Variants in UBAP2 observed in about 807,000 individuals in gnomAD.
UBAP2 encodes the protein ubiquitin-associated protein 2.
A neutral mutation model predicts 139.6 loss-of-function variants in UBAP2; 75 were observed. The observed-to-expected ratio is 0.54, with a 90% confidence interval of 0.45 to 0.65. The LOEUF is 0.65. Among genes scored for constraint, UBAP2 ranks in the 30% least tolerant of loss-of-function variants. The probability of loss-of-function intolerance (pLI) is 0.00; values close to 1 mark genes in which losing one functional copy is unlikely to be tolerated. For synonymous variants in UBAP2, 526 were observed against 526.2 expected (o/e 1.00, Z 0.01); for missense variants, 1,368 against 1,369.6 (o/e 1.00, Z 0.02).
At chr9:33,947,600 T>C (rs1308846303) in intron 13 of UBAP2, among the ~76,000 whole-genome samples, 1 of 151,942 alleles carries the variant, frequency 6.6e-6, no homozygotes, top group Non-Finnish European at 1.5e-5. Context: ...GGTGGGCAGA[T>C]CACCTTAGTC....
At chr9:34,043,278 C>T (rs1440337585) in intron 1 of UBAP2, among the ~76,000 whole-genome samples, 1 of 152,014 alleles carries the variant, frequency 6.6e-6, no homozygotes, top group Non-Finnish European at 1.5e-5. Context: ...CTTAAGCAAT[C>T]CTCCAACCTC....
intron 16 of UBAP2, among the ~76,000 whole-genome samples, chr9:33,937,067 G>A (rs1824610301): frequency 1.3e-5 from 2 of 151,380 alleles, no homozygotes; most frequent in Non-Finnish European, 1.5e-5. Flanking sequence ...AAATATTTAA[G>A]GTAGGAAGGA....
chr9:33,946,840 T>C (rs1014266460), intron 13 of UBAP2, among the ~76,000 whole-genome samples: 1 of 152,258 alleles, frequency 6.6e-6, no homozygotes, highest in African/African-American at 2.4e-5. Flanking sequence ...TAAAAAGTCC[T>C]ATCACTCACT....
intron 1 of UBAP2, among the ~76,000 whole-genome samples, chr9:34,029,611 G>T (rs1374150191): frequency 6.6e-6 from 1 of 152,110 alleles, no homozygotes; most frequent in African/African-American, 2.4e-5. Flanking sequence ...CATGGTGGGA[G>T]GACCACTTGG....
intron 14 of UBAP2, 68 bp downstream of exon 14, chr9:33,944,297 A>G: frequency 6.4e-7 from 1 of 1,571,400 alleles, no homozygotes; most frequent in Non-Finnish European, 8.7e-7. Flanking sequence ...AAAACTTAGT[A>G]TCCCACTAGA....
chr9:33,966,895 AT>A (rs939289922), intron 8 of UBAP2, among the ~76,000 whole-genome samples: 12 of 151,996 alleles, frequency 7.9e-5, no homozygotes, highest in African/African-American at 2.4e-4. Context: ...AACAAATCTA[AT>A]TTTTTTTAAA....
At chr9:34,040,155 G>A (rs1359596246) in intron 1 of UBAP2, among the ~76,000 whole-genome samples, 4 of 144,296 alleles carry the variant, frequency 2.8e-5, no homozygotes, top group South Asian at 2.2e-4. Flanking sequence ...GCTAGACTCC[G>A]TCTCAAAAAA....
At position 34,008,896 on chromosome 9, in the gene UBAP2, C is replaced by T. The variant is rs182508101; in HGVS notation, c.99+8154G>A. Among the ~76,000 whole-genome samples the T allele has an allele frequency of 4.6e-3, 608 of 132,644 alleles. 1 individual carries two copies. The highest frequency in any genetic ancestry group is 0.01 in the Middle Eastern group (2 of 198). The allele number at this position is 132,644 out of a possible 152,430, so 87.0% of individuals were successfully genotyped here. ...AGGAGAATGGCTTGAACCCACAAGG[C>T]AGAGGTTGCAGTGAGCCAAGGTCAC... On this transcript the variant is annotated intron_variant, in intron 2 of 28. Coordinates refer to ENST00000379238, the MANE Select transcript of UBAP2 (RefSeq NM_001370062.2).
At position 33,968,169 on chromosome 9, in the gene UBAP2, A is replaced by T. The variant is rs1298386751; in HGVS notation, c.679+3482T>A. On this transcript the variant is annotated intron_variant, in intron 8 of 28. Coordinates refer to ENST00000379238, the MANE Select transcript of UBAP2 (RefSeq NM_001370062.2). ...ACAAATCCAATGAATAGAAGAAGAA[A>T]TCTACTGGGTTTTGGGATATTTGGT... 7 of 602,896 alleles carry T rather than the reference A, an allele frequency of 1.2e-5. No individual in the cohort carries two copies. The Admixed American group carries it at 1.3e-4, about 11-fold the overall frequency. 37.3% of individuals were successfully genotyped at this position (602,896 alleles called of 1,614,324 possible).
Position 33,953,278 on chromosome 9 carries a change from G to T in UBAP2, c.1056+7C>A. 2 of 1,608,192 alleles carry T rather than the reference G, an allele frequency of 1.2e-6. No homozygotes were observed. Among genetic ancestry groups the T allele is most frequent in the South Asian group, 2.2e-5 (2 of 90,686 alleles). On this transcript the variant is annotated splice_region_variant and intron_variant, in intron 12 of 28. Coordinates refer to ENST00000379238, the MANE Select transcript of UBAP2 (RefSeq NM_001370062.2). ...TAAAATCCCACACTGAAATAAAAGT[G>T]AGTTACCAGGCTCTGAGGAGAACAG... is the stretch of plus-strand genomic sequence containing the variant.
At chr9:34,011,264 T>C (rs1004110967) in intron 2 of UBAP2, among the ~76,000 whole-genome samples, 1 of 152,208 alleles carries the variant, frequency 6.6e-6, no homozygotes, top group Non-Finnish European at 1.5e-5. Flanking sequence ...AAAGTCACTA[T>C]TCATTGCCAT....
chr9:33,988,520 A>G (rs1587618974), intron 5 of UBAP2, among the ~76,000 whole-genome samples: 1 of 152,362 alleles, frequency 6.6e-6, no homozygotes, highest in Non-Finnish European at 1.5e-5. Flanking sequence ...CCTTGTCTAT[A>G]CCATGAGTGT....
chr9:33,975,608 C>A (rs765542026), intron 6 of UBAP2, among the ~76,000 whole-genome samples: 3 of 149,848 alleles, frequency 2.0e-5, no homozygotes, highest in Non-Finnish European at 3.0e-5. Flanking sequence ...ACCATCCTGG[C>A]TAACACGGTG....
chr9:33,954,226 A>C (rs1216385393), intron 11 of UBAP2, among the ~76,000 whole-genome samples: 1 of 146,182 alleles, frequency 6.8e-6, no homozygotes, highest in Admixed American at 7.0e-5. Flanking sequence ...ATTTATCTTA[A>C]ATTTTTACAT....
chr9:33,944,057 A>T (rs1825458083), intron 14 of UBAP2, among the ~76,000 whole-genome samples: 3 of 152,208 alleles, frequency 2.0e-5, no homozygotes. Context: ...CAATGATGAA[A>T]GTATCACCTG....
chr9:33,930,619 C>CG (rs979775116), intron 19 of UBAP2, among the ~76,000 whole-genome samples: 10 of 152,004 alleles, frequency 6.6e-5, no homozygotes, highest in African/African-American at 2.2e-4. Context: ...AGATGATGGC[C>CG]GGGCGCGGTG....
intron 2 of UBAP2, among the ~76,000 whole-genome samples, chr9:34,001,299 G>T (rs558250984): frequency 2.0e-3 from 309 of 152,290 alleles, no homozygotes; most frequent in Non-Finnish European, 3.7e-3. Context: ...ACACATACTA[G>T]GGTAGCCTCC....
intron 2 of UBAP2, among the ~76,000 whole-genome samples, chr9:34,016,498 A>G (rs1030874782): frequency 6.6e-6 from 1 of 152,040 alleles, no homozygotes; most frequent in Non-Finnish European, 1.5e-5. Flanking sequence ...TTGTACCTGA[A>G]TCAAGTACAA....
At chr9:34,036,806 CTTTTTTTTT>C (rs869116521) in intron 1 of UBAP2, among the ~76,000 whole-genome samples, 3 of 99,502 alleles carry the variant, frequency 3.0e-5, no homozygotes, top group South Asian at 3.0e-4. Context: ...AAGTTTTTCT[CTTTTTTTTT>C]TTTTTTTTTT....
Sources: gnomAD v4.1 joint callset for allele counts (sites outside exome capture counted in the v4.1 genomes callset) on GRCh38, gnomAD v4.1.1 for gene constraint, MANE v1.5 for transcripts, NCBI Gene and HGNC (gene_info 2026-07-23, HGNC 2026-07-21) for gene names.